Variants in ANXA4 observed in about 807,000 individuals in gnomAD.
The protein encoded by ANXA4 is annexin A4, also known as 35-beta calcimedin.
Under a neutral mutation model 49.8 loss-of-function variants are expected in ANXA4, and 39 were observed. That is an observed-to-expected ratio of 0.78 (90% CI 0.61 to 1.02). The LOEUF (loss-of-function observed/expected upper bound fraction) is 1.02, where lower values mean the gene tolerates loss of function less well. Among genes scored for constraint, ANXA4 ranks in the 50% least tolerant of loss-of-function variants. ANXA4 has a pLI of 0.00. For missense variants in ANXA4, 360 were observed against 410.1 expected, an observed-to-expected ratio of 0.88 and a Z score of 1.05; for synonymous variants, 134 against 152.5, an observed-to-expected ratio of 0.88 and a Z score of 0.89.
Position 69,826,769 on chromosome 2 carries a change from G to A in ANXA4, c.*1254G>A, listed in dbSNP as rs1173164895. On this transcript the variant is annotated 3_prime_UTR_variant, in exon 13 of 13. Transcript: ENST00000394295. ...ATCACGCCAGCCTGGGCGACAGAGC[G>A]AGAATCCATCTAAAAAAAAAAAAAA... The A allele has an allele frequency of 2.8e-5, 4 of 143,712 alleles. No individual in the cohort carries two copies. The highest frequency in any genetic ancestry group is 7.7e-5 in the African/African-American group (3 of 38,888). 8.9% of individuals were successfully genotyped at this position (143,712 alleles called of 1,614,324 possible).
intron 12 of ANXA4, among the ~76,000 whole-genome samples, chr2:69,822,973 G>T (rs1380549878): frequency 6.6e-6 from 1 of 151,408 alleles, no homozygotes; most frequent in Non-Finnish European, 1.5e-5. Context: ...TTAATGAAAT[G>T]TGAAAAGAAT....
intron 12 of ANXA4, among the ~76,000 whole-genome samples, chr2:69,823,326 G>C (rs949547561): frequency 6.6e-6 from 1 of 151,048 alleles, no homozygotes; most frequent in African/African-American, 2.4e-5. Context: ...TTCAATAATA[G>C]TTGTCAAAAG....
intron 3 of ANXA4, among the ~76,000 whole-genome samples, chr2:69,789,652 T>C (rs1435161665): frequency 6.6e-6 from 1 of 152,092 alleles, no homozygotes; most frequent in Admixed American, 6.5e-5. Context: ...AGGGTTTTTA[T>C]AAATGGGCTA....
chr2:69,824,297 C>G (rs976205775), intron 12 of ANXA4, among the ~76,000 whole-genome samples: 12 of 151,796 alleles, frequency 7.9e-5, no homozygotes, highest in Admixed American at 1.3e-4. Context: ...GAGGTCAGGA[C>G]TTCAAGACCA....
rs1310968816 is a variant in ANXA4 at position 69,702,074 on chromosome 2, C to A, written n.767-18700C>A. Among the ~76,000 whole-genome samples, 4 of 152,020 alleles carry A rather than the reference C, an allele frequency of 2.6e-5. No homozygotes were observed. The East Asian group carries it at 7.7e-4, about 29-fold the overall frequency. ...TCACCCAGGCTGGAATGCAGTGGCGCGATCTCAGCTCACTACAACCTCCAC... is the reference window on the plus strand; with the variant it reads ...TCACCCAGGCTGGAATGCAGTGGCGAGATCTCAGCTCACTACAACCTCCAC... On this transcript the variant is annotated intron_variant and non_coding_transcript_variant, in intron 2 of 3. Transcript: ENST00000418066.
chr2:69,720,432 G>GCAAAGGGCC (rs1669785832), intron 2 of ANXA4, among the ~76,000 whole-genome samples: 1 of 152,178 alleles, frequency 6.6e-6, no homozygotes, highest in African/African-American at 2.4e-5. Flanking sequence ...GGGAGCTGAA[G>GCAAAGGGCC]CAAAGTTCAT....
intron 1 of ANXA4, among the ~76,000 whole-genome samples, chr2:69,650,439 C>T (rs961508054): frequency 6.6e-6 from 1 of 151,962 alleles, no homozygotes; most frequent in African/African-American, 2.4e-5. Context: ...AAAATAGTTA[C>T]ACTCCTTGCC....
chr2:69,740,213 T>G (rs1035129088), upstream of ANXA4, among the ~76,000 whole-genome samples: 1 of 152,152 alleles, frequency 6.6e-6, no homozygotes, highest in Non-Finnish European at 1.5e-5. Flanking sequence ...TTTCTTTTTC[T>G]TTTTCTTTTT....
intron 2 of ANXA4, among the ~76,000 whole-genome samples, chr2:69,660,050 G>T (rs1272461684): frequency 6.6e-6 from 1 of 152,048 alleles, no homozygotes; most frequent in Non-Finnish European, 1.5e-5. Context: ...GCCCAGAGAG[G>T]TGACAAGAAA....
intron 1 of ANXA4, among the ~76,000 whole-genome samples, chr2:69,759,774 A>G (rs1253730774): frequency 6.6e-6 from 1 of 152,210 alleles, no homozygotes; most frequent in African/African-American, 2.4e-5. Context: ...GCGTGTACAT[A>G]TATTATCTTT....
At chr2:69,696,946 G>C (rs143867328) in intron 2 of ANXA4, among the ~76,000 whole-genome samples, 1 of 152,322 alleles carries the variant, frequency 6.6e-6, no homozygotes, top group African/African-American at 2.4e-5. Flanking sequence ...TGGCAGAGTA[G>C]ATTTAGCATA....
chr2:69,671,167 A>G (rs1453664895), intron 2 of ANXA4, among the ~76,000 whole-genome samples: 1 of 152,090 alleles, frequency 6.6e-6, no homozygotes, highest in Non-Finnish European at 1.5e-5. Flanking sequence ...GTGGAGAAGG[A>G]TTCCTTAAAT....
At chr2:69,767,348 G>A (rs976552305) in intron 1 of ANXA4, among the ~76,000 whole-genome samples, 1 of 152,142 alleles carries the variant, frequency 6.6e-6, no homozygotes, top group Non-Finnish European at 1.5e-5. Flanking sequence ...CAGATACCCC[G>A]AAGTCATGAT....
rs1339535439 is a variant in ANXA4 at position 69,708,218 on chromosome 2, A to G, written n.767-12556A>G. Among the ~76,000 whole-genome samples the G allele has an allele frequency of 2.0e-5, 3 of 152,230 alleles. No individual in the cohort carries two copies. In the East Asian group the frequency reaches 5.8e-4, roughly 29 times the overall value. ...GTGGAGCTGAGTCCCACTTGGGCCCACAATGATATCATGATTCCCCCCTTC... is the reference window on the plus strand; with the variant it reads ...GTGGAGCTGAGTCCCACTTGGGCCCGCAATGATATCATGATTCCCCCCTTC... On this transcript the variant is annotated intron_variant and non_coding_transcript_variant, in intron 2 of 3. Transcript: ENST00000418066.
At chr2:69,667,665 A>T (rs1278476225) in intron 2 of ANXA4, among the ~76,000 whole-genome samples, 3 of 152,058 alleles carry the variant, frequency 2.0e-5, no homozygotes, top group Non-Finnish European at 4.4e-5. Context: ...TCTCCTCTCC[A>T]CATAGCATGT....
At chr2:69,793,870 A>C (rs79398319) in intron 3 of ANXA4, among the ~76,000 whole-genome samples, 4 of 151,658 alleles carry the variant, frequency 2.6e-5, no homozygotes, top group African/African-American at 9.7e-5. Flanking sequence ...GAGAAAAAAA[A>C]GTTTCCAGAT....
chr2:69,805,049 A>G lies in ANXA4; in HGVS notation c.192+422A>G, dbSNP rs1170037422. Among the ~76,000 whole-genome samples the G allele has an allele frequency of 3.3e-3, 451 of 138,074 alleles. 4 individuals carry two copies. The highest frequency in any genetic ancestry group is 0.014 in the African/African-American group (435 of 30,582). 90.6% of individuals were successfully genotyped at this position (138,074 alleles called of 152,430 possible). ...GCAACAGAGACAGACTCCATCTCAA[A>G]AAAAAAAAAAAAAAAAAAAAAAAGA... On this transcript the variant is annotated intron_variant, in intron 4 of 12. Coordinates refer to ENST00000394295, the MANE Select transcript of ANXA4 (RefSeq NM_001153.5).
At chr2:69,656,389 GTGTATATATATGTATATATA>G (rs1461030810) in intron 2 of ANXA4, among the ~76,000 whole-genome samples, 3 of 85,796 alleles carry the variant, frequency 3.5e-5, no homozygotes, top group Non-Finnish European at 8.4e-5. Flanking sequence ...GTATATATAT[GTGTATATATATGTATATATA>G]TGTATATATA....
chr2:69,763,422 C>G (rs1283416276), intron 1 of ANXA4, among the ~76,000 whole-genome samples: 2 of 151,788 alleles, frequency 1.3e-5, no homozygotes, highest in Admixed American at 1.3e-4. Flanking sequence ...TTGTTTTTTC[C>G]CCACGTGGGC....
Sources: allele counts gnomAD v4.1 joint callset (sites outside exome capture counted in the v4.1 genomes callset), GRCh38; gene constraint gnomAD v4.1.1; transcripts MANE v1.5; gene names NCBI Gene and HGNC (gene_info 2026-07-23, HGNC 2026-07-21).